The following RBFOX1 variants were observed in gnomAD, a reference collection of about 807,000 sequenced individuals.
The protein encoded by RBFOX1 is RNA binding fox-1 homolog 1.
RBFOX1 carries 8 observed loss-of-function variants against 57.7 expected under a neutral mutation model. The observed-to-expected ratio is 0.14, with a 90% CI of 0.08 to 0.25. The LOEUF (loss-of-function observed/expected upper bound fraction) is 0.25, where lower values mean the gene tolerates loss of function less well. Among genes scored for constraint, RBFOX1 ranks in the 10% least tolerant of loss-of-function variants. The probability of loss-of-function intolerance (pLI) is 1.00; values close to 1 mark genes in which losing one functional copy is unlikely to be tolerated. For missense variants in RBFOX1, 611 were observed against 548.5 expected (o/e 1.11, Z -1.14); for synonymous variants, 326 against 222.4 (o/e 1.47, Z -4.15).
intron 2 of RBFOX1, among the ~76,000 whole-genome samples, chr16:5,585,761 A>C (rs559044780): frequency 6.6e-6 from 1 of 152,232 alleles, no homozygotes; most frequent in Non-Finnish European, 1.5e-5. Context: ...GTATGTGGCC[A>C]TCACCTGGGT....
intron 4 of RBFOX1, among the ~76,000 whole-genome samples, chr16:5,964,560 T>G (rs140668007): frequency 1.3e-4 from 20 of 152,290 alleles, no homozygotes; most frequent in African/African-American, 4.8e-4. Context: ...TATGTATATG[T>G]GTATATATGT....
chr16:6,688,064 A>G (rs555577171), intron 3 of RBFOX1, among the ~76,000 whole-genome samples: 1 of 152,180 alleles, frequency 6.6e-6, no homozygotes, highest in Non-Finnish European at 1.5e-5. Context: ...GCCATAGACA[A>G]ATATTTGAGA....
At chr16:6,126,743 A>G (rs1317636808) in intron 1 of RBFOX1, among the ~76,000 whole-genome samples, 1 of 152,160 alleles carries the variant, frequency 6.6e-6, no homozygotes, top group Non-Finnish European at 1.5e-5. Context: ...AAGGCATAAC[A>G]TTCACATAAT....
intron 1 of RBFOX1, among the ~76,000 whole-genome samples, chr16:6,294,233 A>G (rs1285368993): frequency 2.6e-5 from 4 of 152,154 alleles, no homozygotes; most frequent in Admixed American, 1.3e-4. Context: ...GAAAAGGGAA[A>G]TGTCTAAAGG....
chr16:6,325,534 A>T (rs2152797585), intron 2 of RBFOX1, among the ~76,000 whole-genome samples: 1 of 152,306 alleles, frequency 6.6e-6, no homozygotes, highest in Admixed American at 6.5e-5. Context: ...TAAACTAAAG[A>T]GTAGCTCTGC....
chr16:7,243,343 G>T (rs1417553603), intron 4 of RBFOX1, among the ~76,000 whole-genome samples: 1 of 152,098 alleles, frequency 6.6e-6, no homozygotes, highest in Non-Finnish European at 1.5e-5. Context: ...CTGACCTTTA[G>T]TTCTTTTATG....
intron 1 of RBFOX1, among the ~76,000 whole-genome samples, chr16:6,062,613 T>C (rs368514382): frequency 8.7e-5 from 2 of 22,912 alleles, no homozygotes; most frequent in East Asian, 4.2e-4. Context: ...TGTTACATAA[T>C]ATATAAATAT....
chr16:5,614,893 G>A (rs1297125513), intron 3 of RBFOX1, among the ~76,000 whole-genome samples: 1 of 152,218 alleles, frequency 6.6e-6, no homozygotes, highest in African/African-American at 2.4e-5. Flanking sequence ...GACAGAGGAG[G>A]AAGAACACAG....
chr16:6,639,852 C>G (rs752385921), intron 2 of RBFOX1, among the ~76,000 whole-genome samples: 3 of 152,062 alleles, frequency 2.0e-5, no homozygotes, highest in Non-Finnish European at 2.9e-5. Context: ...GCACTCCAGC[C>G]TGAGCAACAG....
At chr16:6,456,741 C>G (rs1274479146) in intron 2 of RBFOX1, among the ~76,000 whole-genome samples, 1 of 152,020 alleles carries the variant, frequency 6.6e-6, no homozygotes, top group Non-Finnish European at 1.5e-5. Flanking sequence ...TGAATGGATC[C>G]GTGAGACACA....
intron 2 of RBFOX1, among the ~76,000 whole-genome samples, chr16:6,616,562 G>T (rs547353183): frequency 4.6e-5 from 7 of 152,260 alleles, no homozygotes; most frequent in Middle Eastern, 3.4e-3. Flanking sequence ...TGTAGTCCCA[G>T]GTACTCAGGA....
chr16:6,428,982 C>G (rs2094004590), intron 2 of RBFOX1, among the ~76,000 whole-genome samples: 1 of 152,216 alleles, frequency 6.6e-6, no homozygotes, highest in Non-Finnish European at 1.5e-5. Flanking sequence ...GCGGCGTGCA[C>G]AGACTTGTCT....
At chr16:6,816,937 G>T (rs1027349863) in intron 3 of RBFOX1, among the ~76,000 whole-genome samples, 2 of 151,900 alleles carry the variant, frequency 1.3e-5, no homozygotes, top group Non-Finnish European at 2.9e-5. Context: ...TGGAGAGATG[G>T]GGTCTTAACT....
intron 3 of RBFOX1, among the ~76,000 whole-genome samples, chr16:5,775,749 C>T (rs898822681): frequency 1.3e-5 from 2 of 152,214 alleles, no homozygotes; most frequent in Non-Finnish European, 2.9e-5. Flanking sequence ...TGGAATGCTG[C>T]AATGTCCACT....
chr16:6,849,370 A>G (rs1244231675), intron 3 of RBFOX1, among the ~76,000 whole-genome samples: 1 of 152,214 alleles, frequency 6.6e-6, no homozygotes, highest in Non-Finnish European at 1.5e-5. Flanking sequence ...TATACTTTAG[A>G]TAGAACTGAA....
intron 3 of RBFOX1, among the ~76,000 whole-genome samples, chr16:6,932,047 C>A (rs370769476): frequency 6.6e-6 from 1 of 152,138 alleles, no homozygotes; most frequent in Non-Finnish European, 1.5e-5. Flanking sequence ...ACAATCCATT[C>A]TTGAGGGCAG....
At chr16:7,391,385 G>T (rs80146874) in intron 4 of RBFOX1, among the ~76,000 whole-genome samples, 2,086 of 152,286 alleles carry the variant, frequency 0.014, 23 homozygotes, top group Non-Finnish European at 0.023. Context: ...AATTATAGGG[G>T]TAGCTGGGTA....
intron 3 of RBFOX1, among the ~76,000 whole-genome samples, chr16:5,759,342 C>G (rs575291418): frequency 6.6e-6 from 1 of 152,170 alleles, no homozygotes; most frequent in African/African-American, 2.4e-5. Context: ...AGATGTATCT[C>G]TGTTCTGATG....
intron 3 of RBFOX1, among the ~76,000 whole-genome samples, chr16:5,668,993 A>G (rs929955919): frequency 6.6e-6 from 1 of 152,186 alleles, no homozygotes; most frequent in African/African-American, 2.4e-5. Flanking sequence ...TACAGAATTT[A>G]AATGAAAATA....
Sources: gnomAD v4.1 joint callset for allele counts (sites outside exome capture counted in the v4.1 genomes callset) on GRCh38, gnomAD v4.1.1 for gene constraint, MANE v1.5 for transcripts, NCBI Gene and HGNC (gene_info 2026-07-23, HGNC 2026-07-21) for gene names.